SCOC: variants seen among roughly 807,000 people sequenced by gnomAD.
SCOC encodes the protein short coiled-coil protein, also known as short coiled coil protein.
Under a neutral mutation model 9.9 loss-of-function variants are expected in SCOC, and 7 were observed. The observed-to-expected ratio is 0.71, with a 90% CI of 0.40 to 1.33. SCOC has a LOEUF of 1.33. SCOC is among the 40% of genes most tolerant of loss of function. SCOC has a pLI of 0.01. For missense variants in SCOC, 66 were observed against 89.7 expected (o/e 0.74, Z 1.07); for synonymous variants, 19 against 28.2 (o/e 0.67, Z 1.03).
chr4:140,378,160 G>A (rs751932275), intron 1 of SCOC, among the ~76,000 whole-genome samples: 5 of 151,972 alleles, frequency 3.3e-5, no homozygotes, highest in Non-Finnish European at 5.9e-5. Flanking sequence ...ACCCTGACTA[G>A]GAGCTGATGA....
chr4:140,335,525 A>G (rs1732933351), intron 1 of SCOC, among the ~76,000 whole-genome samples: 1 of 152,228 alleles, frequency 6.6e-6, no homozygotes, highest in Non-Finnish European at 1.5e-5. Flanking sequence ...AAAAATATCC[A>G]AATAGTTTCG....
chr4:140,373,203 G>A, upstream of SCOC: 3 of 969,322 alleles, frequency 3.1e-6, no homozygotes, highest in Non-Finnish European at 3.9e-6. Context: ...GACTTTCTCT[G>A]CTTGGTTCGC....
intron 3 of SCOC, 71 bp from the exon 4 acceptor site, chr4:140,380,891 C>A (rs1474933309): frequency 7.5e-6 from 9 of 1,192,152 alleles, no homozygotes; most frequent in Non-Finnish European, 1.0e-5. Context: ...AAGAATGAAT[C>A]CTAAGAATTT....
Position 140,382,729 on chromosome 4 carries a change from A to G in SCOC, c.*1625A>G, listed in dbSNP as rs1248915464. The G allele has an allele frequency of 6.6e-6, 1 of 152,650 alleles. No individual in the cohort carries two copies. The highest frequency in any genetic ancestry group is 1.9e-4 in the East Asian group (1 of 5,204). 9.5% of individuals were successfully genotyped at this position (152,650 alleles called of 1,614,324 possible). A position where few individuals can be genotyped will look rare whatever the true frequency, so the allele number is the denominator to read the frequency against. ...ATAACTGGTTATCAATATAAATATC[A>G]TAGGCTATTATACATTAATTTGGAA... On this transcript the variant is annotated 3_prime_UTR_variant, in exon 4 of 4. Coordinates refer to ENST00000608372, the MANE Select transcript of SCOC (RefSeq NM_001153484.2).
intron 1 of SCOC, among the ~76,000 whole-genome samples, chr4:140,375,666 C>G (rs1276866599): frequency 6.6e-6 from 1 of 152,144 alleles, no homozygotes; most frequent in Non-Finnish European, 1.5e-5. Flanking sequence ...GAATCTTGTC[C>G]CAATGTTTGC....
At chr4:140,340,050 C>A (rs2126506194), upstream of SCOC, among the ~76,000 whole-genome samples, 1 of 152,266 alleles carries the variant, frequency 6.6e-6, no homozygotes, top group South Asian at 2.1e-4. Flanking sequence ...TGGAACCAAC[C>A]CAAATGTCCA....
upstream of SCOC, among the ~76,000 whole-genome samples, chr4:140,343,193 C>T (rs968513323): frequency 6.6e-6 from 1 of 152,126 alleles, no homozygotes; most frequent in Non-Finnish European, 1.5e-5. Flanking sequence ...TTGTGACTTA[C>T]CCCCAGGTCA....
chr4:140,333,404 T>C (rs1323875896), intron 1 of SCOC, among the ~76,000 whole-genome samples: 1 of 152,182 alleles, frequency 6.6e-6, no homozygotes. Context: ...ACATGTAGTA[T>C]ATATATTTGT....
chr4:140,266,360 G>A (rs921990735), intron 1 of SCOC, among the ~76,000 whole-genome samples: 2 of 152,148 alleles, frequency 1.3e-5, no homozygotes, highest in Non-Finnish European at 2.9e-5. Flanking sequence ...CCTGGAGGCT[G>A]GAAGTAGCAG....
rs767309967 is a variant in SCOC, at chr4:140,379,204, A to G, written c.22+12A>G. 22 of 1,582,268 alleles carry G rather than the reference A, an allele frequency of 1.4e-5. No individual in the cohort carries two copies. The Admixed American group carries it at 3.2e-4, about 23-fold the overall frequency. On this transcript the variant is annotated intron_variant, in intron 2 of 3. Coordinates refer to ENST00000608372, the MANE Select transcript of SCOC (RefSeq NM_001153484.2). The stretch of plus-strand genomic sequence containing the variant: ...TGCTGACATGGATGGTATGTTCTTC[A>G]TTTTCTTTTTTGTATACTCCTGGTT...
At chr4:140,342,253 A>G (rs1453156290), upstream of SCOC, among the ~76,000 whole-genome samples, 1 of 151,856 alleles carries the variant, frequency 6.6e-6, no homozygotes, top group Non-Finnish European at 1.5e-5. Flanking sequence ...TACCTGACCA[A>G]TTTTGCCTGT....
intron 1 of SCOC, among the ~76,000 whole-genome samples, chr4:140,326,655 A>G (rs1007154606): frequency 5.3e-5 from 8 of 151,516 alleles, no homozygotes; most frequent in African/African-American, 1.7e-4. Context: ...CCCCCCCCCT[A>G]CACTGTTAGG....
At chr4:140,278,186 G>A (rs950736984) in intron 1 of SCOC, among the ~76,000 whole-genome samples, 1 of 152,152 alleles carries the variant, frequency 6.6e-6, no homozygotes, top group African/African-American at 2.4e-5. Flanking sequence ...CCAAGATCAA[G>A]GACTAGGACT....
upstream of SCOC, chr4:140,373,242 T>C (rs144890273): frequency 8.0e-5 from 97 of 1,212,258 alleles, no homozygotes; most frequent in African/African-American, 1.4e-3. Context: ...CTTGAATGAC[T>C]TCTCTGTCGC....
upstream of SCOC, among the ~76,000 whole-genome samples, chr4:140,342,004 C>A (rs1726535860): frequency 2.0e-5 from 3 of 152,136 alleles, no homozygotes; most frequent in African/African-American, 7.2e-5. Context: ...TCCCTCCAAC[C>A]TTTCTGCCTC....
chr4:140,269,858 C>G (rs962059207), intron 1 of SCOC, among the ~76,000 whole-genome samples: 1 of 152,044 alleles, frequency 6.6e-6, no homozygotes, highest in Non-Finnish European at 1.5e-5. Context: ...TCAAGCGAGT[C>G]TCCCACCTCA....
intron 1 of SCOC, among the ~76,000 whole-genome samples, chr4:140,333,260 ACT>A (rs1732871589): frequency 6.8e-6 from 1 of 147,462 alleles, no homozygotes; most frequent in Admixed American, 6.7e-5. Flanking sequence ...CACTCCTATC[ACT>A]CTCTGTGTGC....
At chr4:140,367,282 C>A (rs1220580775) in intron 2 of SCOC, among the ~76,000 whole-genome samples, 1 of 152,084 alleles carries the variant, frequency 6.6e-6, no homozygotes, top group Non-Finnish European at 1.5e-5. Flanking sequence ...ATCACTGTAA[C>A]CCTGACTTCT....
At chr4:140,259,828 A>G (rs1730590865) in intron 1 of SCOC, among the ~76,000 whole-genome samples, 1 of 152,218 alleles carries the variant, frequency 6.6e-6, no homozygotes, top group African/African-American at 2.4e-5. Flanking sequence ...CCCTCCATGA[A>G]GCAGCTCTTC....
Sources: gnomAD v4.1 joint callset for allele counts (sites outside exome capture counted in the v4.1 genomes callset) on GRCh38, gnomAD v4.1.1 for gene constraint, MANE v1.5 for transcripts, NCBI Gene and HGNC (gene_info 2026-07-23, HGNC 2026-07-21) for gene names.